RHOU: variants seen among roughly 807,000 people sequenced by gnomAD.
RHOU encodes ras homolog family member U, also known as rho-related GTP-binding protein RhoU.
Under a neutral mutation model 12.6 loss-of-function variants are expected in RHOU, and 8 were observed. The ratio of observed to expected loss-of-function variants is 0.64; its 90% CI spans 0.37 to 1.15. The LOEUF (loss-of-function observed/expected upper bound fraction) is 1.15. Among genes scored for constraint, RHOU ranks in the 50% most tolerant of loss-of-function variants. The pLI, the probability that RHOU is intolerant of heterozygous loss-of-function variation, is 0.01. For missense variants in RHOU, 258 were observed against 347.0 expected, an observed-to-expected ratio of 0.74 and a Z score of 2.04; for synonymous variants, 161 against 147.4, an observed-to-expected ratio of 1.09 and a Z score of -0.67.
chr1:228,646,815 C>G, the RHOU span, among the ~76,000 whole-genome samples: 4 of 152,022 alleles, frequency 2.6e-5, no homozygotes, highest in Non-Finnish European at 5.9e-5. Flanking sequence ...CACACACACA[C>G]ACGGTGAAAC....
In RHOU at chr1:228,735,957, A is replaced by G. The variant is rs2102714841; in HGVS notation, c.215A>G (p.Asn72Ser). 6.3e-7 allele frequency: 1 copy of G among 1,582,460 alleles called. No homozygotes were observed. The highest frequency in any genetic ancestry group is 2.4e-5 in the East Asian group (1 of 41,788). ...AGCCTGGTGGTGAGCTACACCACCA[A>G]CGGCTACCCCACCGAGTACATCCCT... ...KTSLVVSYTT[N>S]GYPTEYIPTA... The change falls in exon 1 of 3, where the codon AAC becomes AGC. Residue 72 changes from asparagine to serine, a missense_variant. Physicochemically the swap from Asn to Ser is conservative, Grantham distance 46 (BLOSUM62 1). Coordinates refer to ENST00000366691, the MANE Select transcript of RHOU (RefSeq NM_021205.6). The surrounding 1 kb of genome is among the most constrained non-coding windows in gnomAD (Gnocchi z 8.1).
chr1:228,669,952 A>C, the RHOU span, among the ~76,000 whole-genome samples: 1 of 152,208 alleles, frequency 6.6e-6, no homozygotes, highest in Admixed American at 6.5e-5. Flanking sequence ...TCAGATAACT[A>C]GTTGCTTTTG....
rs1279637230 is a variant in RHOU, at chr1:228,737,232, A to G, written c.263-441A>G. Among the ~76,000 whole-genome samples, 3 of 152,216 alleles carry G rather than the reference A, an allele frequency of 2.0e-5. No individual in the cohort carries two copies. Among genetic ancestry groups the G allele is most frequent in the African/African-American group, 4.8e-5 (2 of 41,464 alleles). On this transcript the variant is annotated intron_variant, in intron 1 of 2. Coordinates refer to ENST00000366691, the MANE Select transcript of RHOU (RefSeq NM_021205.6). This position sits in a 1 kb window ranked among gnomAD's most constrained non-coding sequence, Gnocchi z 4.1. The stretch of plus-strand genomic sequence containing the variant: ...GCACATGTTCTCAAAACACACTAGA[A>G]TTGTATGATAAACCCTGAAGTTGGG...
chr1:228,745,323 C>T lies in RHOU; in HGVS notation c.*1583C>T, dbSNP rs911824355. 4.6e-5 allele frequency: 7 copies of T among 152,182 alleles called. No individual in the cohort carries two copies. Among genetic ancestry groups the T allele is most frequent in the African/African-American group, 1.7e-4 (7 of 41,430 alleles). The allele number at this position is 152,182 out of a possible 1,614,324, so 9.4% of individuals were successfully genotyped here. ...CGGGCTTGCGGTGGGTGACCCAGAG[C>T]CACCAAAGTCACATCCACAACTAAT... On this transcript the variant is annotated 3_prime_UTR_variant, in exon 3 of 3. Transcript: ENST00000366691.
the RHOU span, among the ~76,000 whole-genome samples, chr1:228,654,737 T>C: frequency 6.6e-6 from 1 of 152,332 alleles, no homozygotes; most frequent in African/African-American, 2.4e-5. Flanking sequence ...GTGGGTAACT[T>C]TGGCAACATC....
rs1368106589 is a variant in RHOU at position 228,743,223 on chromosome 1, T to G, written c.322-62T>G. The G allele has an allele frequency of 7.0e-7, 1 of 1,434,512 alleles. No homozygotes were observed. The highest frequency in any genetic ancestry group is 9.7e-7 in the Non-Finnish European group (1 of 1,026,194). 88.9% of individuals were successfully genotyped at this position (1,434,512 alleles called of 1,614,324 possible). A position where few individuals can be genotyped will look rare whatever the true frequency, so the allele number is the denominator to read the frequency against. On this transcript the variant is annotated intron_variant, in intron 2 of 2. Coordinates refer to ENST00000366691, the MANE Select transcript of RHOU (RefSeq NM_021205.6). The surrounding 1 kb of genome is among the most constrained non-coding windows in gnomAD (Gnocchi z 5.1). Reference sequence around the variant, plus strand: ...GACCCTTTCATGAAAAATGTGAAGGTGATCTTTTTACTGATGAGAATTCAT... The same window carrying G: ...GACCCTTTCATGAAAAATGTGAAGGGGATCTTTTTACTGATGAGAATTCAT...
chr1:228,733,473 A>G (rs1050864866), upstream of RHOU, among the ~76,000 whole-genome samples: 6 of 152,090 alleles, frequency 3.9e-5, no homozygotes, highest in Non-Finnish European at 7.4e-5. Context: ...CACCTGGCTA[A>G]TTTTTTTATT....
the RHOU span, among the ~76,000 whole-genome samples, chr1:228,729,097 T>C: frequency 6.6e-6 from 1 of 152,096 alleles, no homozygotes; most frequent in African/African-American, 2.4e-5. Flanking sequence ...AGTTTCACCA[T>C]ATTGGCCAGG....
Position 228,745,844 on chromosome 1 carries a change from A to T in RHOU, c.*2104A>T, listed in dbSNP as rs1358635132. 6.6e-6 allele frequency: 1 copy of T among 152,206 alleles called. No homozygotes were observed. Among genetic ancestry groups the T allele is most frequent in the Non-Finnish European group, 1.5e-5 (1 of 68,052 alleles). 9.4% of individuals were successfully genotyped at this position (152,206 alleles called of 1,614,324 possible). On this transcript the variant is annotated 3_prime_UTR_variant, in exon 3 of 3. Coordinates refer to ENST00000366691, the MANE Select transcript of RHOU (RefSeq NM_021205.6). ...GAAACACTATTTTTATATTAAAGTA[A>T]ATGGCATGGAGTATAGTGCAAATTC...
the RHOU span, among the ~76,000 whole-genome samples, chr1:228,657,862 A>G: frequency 3.3e-5 from 5 of 152,230 alleles, no homozygotes; most frequent in African/African-American, 4.8e-5. Flanking sequence ...TTAAAAATCA[A>G]TAATAGAAGT....
chr1:228,734,277 A>T (rs961047683), upstream of RHOU, among the ~76,000 whole-genome samples: 7 of 152,082 alleles, frequency 4.6e-5, no homozygotes, highest in African/African-American at 1.7e-4. Context: ...TTTGCAAGTC[A>T]GGGGTCCTGG....
At chr1:228,673,551 C>G in the RHOU span, among the ~76,000 whole-genome samples, 1 of 152,100 alleles carries the variant, frequency 6.6e-6, no homozygotes, top group Non-Finnish European at 1.5e-5. Context: ...GGATTTCCTC[C>G]CTGCTGTTCT....
In RHOU at chr1:228,735,867, CG is replaced by C. The variant is rs1553255068; in HGVS notation, c.131del (p.Gly44ValfsTer24). The C allele has an allele frequency of 1.1e-5, 15 of 1,391,946 alleles. No individual in the cohort carries two copies. Among genetic ancestry groups the C allele is most frequent in the Admixed American group, 5.0e-5 (2 of 40,282 alleles). 86.2% of individuals were successfully genotyped at this position (1,391,946 alleles called of 1,614,324 possible). On this transcript the variant is annotated frameshift_variant, in exon 1 of 3. Transcript: ENST00000366691. LOFTEE classifies it high-confidence loss of function. The surrounding 1 kb of genome is among the most constrained non-coding windows in gnomAD (Gnocchi z 8.1). ...GGGGAGCCGGGGGGCCGGGGGCGTG[CG>C]GGGGGTGCCGAGGGGCGCGGCGTCA... ...GPGEPGGRGR[A>X]GGAEGRGVKC...
chr1:228,666,133 T>G, the RHOU span, among the ~76,000 whole-genome samples: 2 of 152,000 alleles, frequency 1.3e-5, no homozygotes, highest in Non-Finnish European at 2.9e-5. Context: ...AATTTTTTTG[T>G]ATTTTTAGTA....
At chr1:228,732,539 C>A (rs1662516369), upstream of RHOU, among the ~76,000 whole-genome samples, 1 of 152,120 alleles carries the variant, frequency 6.6e-6, no homozygotes, top group African/African-American at 2.4e-5. Context: ...GGATGAAATA[C>A]CGAACTGTTT....
At chr1:228,665,744 A>C in the RHOU span, among the ~76,000 whole-genome samples, 1 of 152,220 alleles carries the variant, frequency 6.6e-6, no homozygotes, top group South Asian at 2.1e-4. Flanking sequence ...TTCTGTTGAG[A>C]CCTTCAAGGA....
the RHOU span, among the ~76,000 whole-genome samples, chr1:228,681,015 C>T: frequency 1.3e-5 from 2 of 152,208 alleles, no homozygotes; most frequent in African/African-American, 4.8e-5. Context: ...GACTCTTTCC[C>T]ATTCATCTGG....
At chr1:228,717,882 C>T in the RHOU span, among the ~76,000 whole-genome samples, 1 of 152,166 alleles carries the variant, frequency 6.6e-6, no homozygotes, top group Non-Finnish European at 1.5e-5. Context: ...GAACTGGACA[C>T]AATAAAAAAT....
the RHOU span, among the ~76,000 whole-genome samples, chr1:228,690,013 T>C: frequency 6.6e-6 from 1 of 151,968 alleles, no homozygotes; most frequent in Non-Finnish European, 1.5e-5. Context: ...AAAAATGTAA[T>C]TGGAGCACGC....
Sources: gnomAD v4.1 joint callset for allele counts (sites outside exome capture counted in the v4.1 genomes callset) on GRCh38, gnomAD v4.1.1 for gene constraint, Gnocchi (gnomAD v3.1) non-coding constraint, MANE v1.5 for transcripts, NCBI Gene and HGNC (gene_info 2026-07-23, HGNC 2026-07-21) for gene names.